Variants in RBM46 observed in about 807,000 individuals in gnomAD.
RBM46 encodes RNA binding motif protein 46.
Under a neutral mutation model 43.3 loss-of-function variants are expected in RBM46, and 12 were observed. The ratio of observed to expected loss-of-function variants is 0.28; its 90% CI spans 0.18 to 0.45. The LOEUF is 0.45. Ranked by LOEUF, RBM46 falls within the 20% of genes least tolerant of loss-of-function variation. RBM46 has a pLI of 1.00. For synonymous variants in RBM46, 205 were observed against 207.6 expected, an observed-to-expected ratio of 0.99 and a Z score of 0.11; for missense variants, 412 against 639.1, an observed-to-expected ratio of 0.64 and a Z score of 3.83.
chr4:154,804,472 T>A (rs1036288287), intron 4 of RBM46, among the ~76,000 whole-genome samples: 1 of 152,358 alleles, frequency 6.6e-6, no homozygotes. Context: ...GAGGATTCTT[T>A]GCATTGTAGA....
intron 1 of RBM46, among the ~76,000 whole-genome samples, chr4:154,788,245 T>C (rs1733884495): frequency 6.6e-6 from 1 of 152,168 alleles, no homozygotes; most frequent in Admixed American, 6.5e-5. Context: ...GGTGTTTTAG[T>C]CATGAAGTCC....
intron 4 of RBM46, among the ~76,000 whole-genome samples, chr4:154,822,080 AAT>A (rs1735745381): frequency 6.6e-6 from 1 of 151,808 alleles, no homozygotes; most frequent in South Asian, 2.1e-4. Flanking sequence ...GTTTTTATTT[AAT>A]ATGTTTCTGA....
intron 4 of RBM46, among the ~76,000 whole-genome samples, chr4:154,816,866 G>C (rs1735469645): frequency 6.6e-6 from 1 of 151,978 alleles, no homozygotes; most frequent in African/African-American, 2.4e-5. Context: ...TGCTTTGTAT[G>C]AGTTTTTATC....
intron 1 of RBM46, among the ~76,000 whole-genome samples, chr4:154,792,510 G>A (rs1734149765): frequency 6.6e-6 from 1 of 152,132 alleles, no homozygotes; most frequent in African/African-American, 2.4e-5. Context: ...ATGCCAAGGG[G>A]TCTGCATGGT....
intron 4 of RBM46, chr4:154,827,087 A>G (rs1367845926): frequency 2.7e-6 from 3 of 1,112,526 alleles, no homozygotes; most frequent in East Asian, 9.7e-5. Flanking sequence ...TAATATACAC[A>G]CACACATATA....
At chr4:154,813,793 T>A (rs1483259968) in intron 4 of RBM46, among the ~76,000 whole-genome samples, 1 of 152,082 alleles carries the variant, frequency 6.6e-6, no homozygotes, top group Non-Finnish European at 1.5e-5. Flanking sequence ...TTCCAGGTGC[T>A]AATATAGCAG....
At chr4:154,822,690 G>T (rs1735774914) in intron 4 of RBM46, among the ~76,000 whole-genome samples, 1 of 151,368 alleles carries the variant, frequency 6.6e-6, no homozygotes, top group African/African-American at 2.4e-5. Context: ...GTACAATGAG[G>T]ATTTTTTTTA....
At chr4:154,796,243 A>G (rs905901389) in intron 1 of RBM46, among the ~76,000 whole-genome samples, 1 of 152,226 alleles carries the variant, frequency 6.6e-6, no homozygotes, top group Non-Finnish European at 1.5e-5. Context: ...ACTCTGGGAT[A>G]ACACCCAGAT....
At chr4:154,789,750 T>C (rs889523376) in intron 1 of RBM46, among the ~76,000 whole-genome samples, 3 of 152,224 alleles carry the variant, frequency 2.0e-5, no homozygotes, top group East Asian at 3.8e-4. Flanking sequence ...GAAGGGATGG[T>C]ACCTGCACCT....
intron 4 of RBM46, among the ~76,000 whole-genome samples, chr4:154,811,773 C>T (rs376039817): frequency 2.0e-4 from 30 of 151,606 alleles, no homozygotes; most frequent in African/African-American, 6.5e-4. Context: ...ATCCGCCTCC[C>T]GGGTTCAAGT....
chr4:154,787,291 G>C (rs945855451), intron 1 of RBM46: 2 of 151,100 alleles, frequency 1.3e-5, no homozygotes, highest in East Asian at 3.9e-4. Flanking sequence ...CCATTAACTC[G>C]TCATTTACAT....
chr4:154,790,883 G>A (rs1453717548), intron 1 of RBM46, among the ~76,000 whole-genome samples: 1 of 152,134 alleles, frequency 6.6e-6, no homozygotes, highest in Non-Finnish European at 1.5e-5. Context: ...TTCTAAATTC[G>A]GATACTTGAT....
intron 4 of RBM46, among the ~76,000 whole-genome samples, chr4:154,799,886 C>T (rs960895661): frequency 5.3e-5 from 8 of 151,294 alleles, no homozygotes; most frequent in African/African-American, 1.5e-4. Flanking sequence ...CAGCCTCCCG[C>T]GTAGCTGGGA....
At chr4:154,790,293 C>T (rs1734017914) in intron 1 of RBM46, 1 of 152,136 alleles carries the variant, frequency 6.6e-6, no homozygotes, top group African/African-American at 2.4e-5. Flanking sequence ...TTCCTGCTTT[C>T]TCTTGTGGGC....
chr4:154,795,644 T>G (rs559169707), intron 1 of RBM46, among the ~76,000 whole-genome samples: 1 of 152,248 alleles, frequency 6.6e-6, no homozygotes, highest in East Asian at 1.9e-4. Context: ...TCCCTGATTT[T>G]AAGATTAATA....
chr4:154,805,478 A>G (rs1734864678), intron 4 of RBM46, among the ~76,000 whole-genome samples: 1 of 152,034 alleles, frequency 6.6e-6, no homozygotes, highest in Admixed American at 6.5e-5. Flanking sequence ...CTGGTAATTG[A>G]ATAGTATTTA....
At chr4:154,806,378 A>G (rs1734907333) in intron 4 of RBM46, among the ~76,000 whole-genome samples, 1 of 151,900 alleles carries the variant, frequency 6.6e-6, no homozygotes, top group Non-Finnish European at 1.5e-5. Flanking sequence ...TTGGACTTCA[A>G]TGTCCTCAGA....
chr4:154,819,630 G>T (rs1363009246), intron 4 of RBM46, among the ~76,000 whole-genome samples: 2 of 152,028 alleles, frequency 1.3e-5, no homozygotes, highest in African/African-American at 4.8e-5. Context: ...AGAAGATATT[G>T]TGATTATTTT....
intron 1 of RBM46, among the ~76,000 whole-genome samples, chr4:154,792,978 G>A (rs535035065): frequency 5.3e-5 from 8 of 152,090 alleles, no homozygotes; most frequent in South Asian, 2.1e-4. Context: ...GAGAAGTAAG[G>A]GTTACTTGAG....
Sources: allele counts gnomAD v4.1 joint callset (sites outside exome capture counted in the v4.1 genomes callset), GRCh38; gene constraint gnomAD v4.1.1; transcripts MANE v1.5; gene names NCBI Gene and HGNC (gene_info 2026-07-23, HGNC 2026-07-21).